NCAM2: variants seen among roughly 807,000 people sequenced by gnomAD.
NCAM2 encodes the protein N-CAM-2.
A neutral mutation model predicts 98.1 loss-of-function variants in NCAM2; 30 were observed. That is an observed-to-expected ratio of 0.31 (90% confidence interval 0.23 to 0.41). NCAM2 has a LOEUF of 0.41. NCAM2 is among the 10% of genes least tolerant of loss of function. The pLI is 1.00. For synonymous variants in NCAM2, 368 were observed against 342.4 expected, an observed-to-expected ratio of 1.07 and a Z score of -0.83; for missense variants, 867 against 1,005.8, an observed-to-expected ratio of 0.86 and a Z score of 1.87.
Position 21,265,522 on chromosome 21 carries a change from C to A in NCAM2, c.56-15056C>A, listed in dbSNP as rs556220209. Among the ~76,000 whole-genome samples, 56 of 72,260 alleles carry A rather than the reference C, an allele frequency of 7.7e-4. No homozygotes were observed. In the South Asian group the frequency reaches 0.022, roughly 28 times the overall value. The allele number at this position is 72,260 out of a possible 152,430, so 47.4% of individuals were successfully genotyped here. On this transcript the variant is annotated intron_variant, in intron 1 of 17. Coordinates refer to ENST00000400546, the MANE Select transcript of NCAM2 (RefSeq NM_004540.5). ...ATATATGTGTGTATATATACACATA[C>A]ACACATATGTGTGTATGTATATATG...
At chr21:21,198,184 ATGTGTGTGTG>A (rs10600265) in intron 1 of NCAM2, among the ~76,000 whole-genome samples, 28,473 of 146,182 alleles carry the variant, frequency 0.19, 2,880 homozygotes, top group Non-Finnish European at 0.23. Context: ...TGTAAAGTAT[ATGTGTGTGTG>A]TGTGTGTGTG....
chr21:21,466,611 G>T lies in NCAM2; in HGVS notation c.1660G>T (p.Val554Phe). Residue 554 changes from valine (V) to phenylalanine (F), a missense_variant, in exon 13 of 18, where the codon GTT becomes TTT. Coordinates refer to ENST00000400546, the MANE Select transcript of NCAM2 (RefSeq NM_004540.5). ...IVRSHGVQTMVVLNNLEPNTT... is the reference protein window; with the variant it reads ...IVRSHGVQTMFVLNNLEPNTT... ...TTGTTTTGTTTTTCTTCTAGCAATGGTTGTTTTGAACAACCTGGAACCAAA... is the reference window on the plus strand; with the variant it reads ...TTGTTTTGTTTTTCTTCTAGCAATGTTTGTTTTGAACAACCTGGAACCAAA... The T allele has an allele frequency of 6.3e-7, 1 of 1,586,490 alleles. No individual in the cohort carries two copies.
chr21:21,299,031 A>G (rs967659301), intron 5 of NCAM2, among the ~76,000 whole-genome samples: 2 of 151,472 alleles, frequency 1.3e-5, no homozygotes, highest in Non-Finnish European at 3.0e-5. Context: ...AACTTATAGA[A>G]ATCTATAGGG....
At chr21:21,059,014 T>C (rs569590459) in intron 1 of NCAM2, among the ~76,000 whole-genome samples, 1 of 152,240 alleles carries the variant, frequency 6.6e-6, no homozygotes, top group East Asian at 1.9e-4. Flanking sequence ...TGACTGCATA[T>C]CTCTGTCTTG....
At chr21:21,360,083 C>T (rs1249472926) in intron 8 of NCAM2, among the ~76,000 whole-genome samples, 1 of 151,790 alleles carries the variant, frequency 6.6e-6, no homozygotes, top group Non-Finnish European at 1.5e-5. Context: ...CAAAAGAATA[C>T]ATTTGATGAA....
intron 1 of NCAM2, among the ~76,000 whole-genome samples, chr21:21,208,778 A>T (rs2069536499): frequency 6.6e-6 from 1 of 152,208 alleles, no homozygotes; most frequent in African/African-American, 2.4e-5. Flanking sequence ...TTTAATTCTT[A>T]AAACTCCCAA....
At chr21:21,025,268 G>A (rs1482447900) in intron 1 of NCAM2, among the ~76,000 whole-genome samples, 1 of 151,984 alleles carries the variant, frequency 6.6e-6, no homozygotes, top group East Asian at 1.9e-4. Context: ...TGTATTTTTA[G>A]TAGAGACGGG....
chr21:21,109,236 T>C (rs903249004), intron 1 of NCAM2, among the ~76,000 whole-genome samples: 3 of 152,142 alleles, frequency 2.0e-5, no homozygotes, highest in African/African-American at 7.2e-5. Flanking sequence ...ATAATATGAA[T>C]GACCAGTTAA....
intron 1 of NCAM2, among the ~76,000 whole-genome samples, chr21:21,279,995 A>T (rs1404965442): frequency 6.6e-6 from 1 of 152,190 alleles, no homozygotes; most frequent in Non-Finnish European, 1.5e-5. Flanking sequence ...TTCACAAAAA[A>T]ATTATTTAAA....
At chr21:21,400,432 G>T (rs1031196598) in intron 9 of NCAM2, among the ~76,000 whole-genome samples, 2 of 151,836 alleles carry the variant, frequency 1.3e-5, no homozygotes, top group African/African-American at 4.8e-5. Flanking sequence ...TTTTCTTATG[G>T]TCTATATAGT....
At chr21:21,352,289 G>T (rs1438594593) in intron 8 of NCAM2, among the ~76,000 whole-genome samples, 1 of 151,928 alleles carries the variant, frequency 6.6e-6, no homozygotes, top group Non-Finnish European at 1.5e-5. Flanking sequence ...TGGTGGTGGT[G>T]GTGGTGGTGT....
chr21:21,439,293 A>G (rs1283564205), intron 12 of NCAM2, among the ~76,000 whole-genome samples: 2 of 151,804 alleles, frequency 1.3e-5, no homozygotes, highest in African/African-American at 4.8e-5. Flanking sequence ...TAATTTTTGT[A>G]TTTTTAGTAG....
intron 1 of NCAM2, among the ~76,000 whole-genome samples, chr21:21,228,141 A>G (rs1389056359): frequency 6.6e-6 from 1 of 151,648 alleles, no homozygotes; most frequent in Non-Finnish European, 1.5e-5. Context: ...CAGAGAATTT[A>G]TAGAAAATGA....
At chr21:21,288,844 G>A (rs995480089) in intron 4 of NCAM2, among the ~76,000 whole-genome samples, 1 of 151,948 alleles carries the variant, frequency 6.6e-6, no homozygotes, top group Admixed American at 6.6e-5. Flanking sequence ...AATAATGAAA[G>A]CTTGGAAATG....
chr21:21,325,061 A>G (rs1321142752), intron 6 of NCAM2, among the ~76,000 whole-genome samples: 1 of 152,034 alleles, frequency 6.6e-6, no homozygotes, highest in Admixed American at 6.6e-5. Flanking sequence ...TTAAAATACT[A>G]TTTGATTTTT....
chr21:21,422,264 G>A (rs2077126396), intron 11 of NCAM2, among the ~76,000 whole-genome samples: 1 of 152,278 alleles, frequency 6.6e-6, no homozygotes, highest in Non-Finnish European at 1.5e-5. Flanking sequence ...TTAACAGTGT[G>A]TACACACATG....
chr21:21,432,975 A>C (rs1372698449), intron 12 of NCAM2, among the ~76,000 whole-genome samples: 2 of 152,176 alleles, frequency 1.3e-5, no homozygotes, highest in Non-Finnish European at 2.9e-5. Flanking sequence ...AATGTTCCAT[A>C]GGTCTGTTCT....
At chr21:21,425,909 G>A (rs940286652) in intron 11 of NCAM2, among the ~76,000 whole-genome samples, 1 of 152,126 alleles carries the variant, frequency 6.6e-6, no homozygotes, top group Non-Finnish European at 1.5e-5. Context: ...ACTCTGTAAT[G>A]TATTACCAAC....
intron 1 of NCAM2, among the ~76,000 whole-genome samples, chr21:21,112,847 G>C (rs1056367481): frequency 6.6e-6 from 1 of 152,282 alleles, no homozygotes; most frequent in East Asian, 1.9e-4. Flanking sequence ...TATAGTAAAA[G>C]CATATCTTTG....
Sources: gnomAD v4.1 joint callset for allele counts (sites outside exome capture counted in the v4.1 genomes callset) on GRCh38, gnomAD v4.1.1 for gene constraint, MANE v1.5 for transcripts, NCBI Gene and HGNC (gene_info 2026-07-23, HGNC 2026-07-21) for gene names.